Variants in POLR2J observed in about 807,000 individuals in gnomAD.
POLR2J encodes DNA-directed RNA polymerase II subunit RPB11-a.
POLR2J carries 12 observed loss-of-function variants against 13.4 expected under a neutral mutation model. That is an observed-to-expected ratio of 0.90 (90% CI 0.57 to 1.45). The LOEUF is 1.45. Ranked by LOEUF, POLR2J falls within the 40% of genes most tolerant of loss-of-function variation. The probability of loss-of-function intolerance (pLI) is 0.00; values close to 1 mark genes in which losing one functional copy is unlikely to be tolerated. For missense variants in POLR2J, 58 were observed against 132.0 expected, an observed-to-expected ratio of 0.44 and a Z score of 2.75; for synonymous variants, 31 against 53.6, an observed-to-expected ratio of 0.58 and a Z score of 1.84.
In POLR2J at chr7:102,474,778, C is replaced by A. The variant is rs541962978; in HGVS notation, c.144-243G>T. ...CCGAGCTGGAAACAGATTCCAGCAA[C>A]CTCTTCCCACCGGGCACCGCAGTGC... On this transcript the variant is annotated intron_variant, in intron 2 of 3. Coordinates refer to ENST00000292614, the MANE Select transcript of POLR2J (RefSeq NM_006234.6). Among the ~76,000 whole-genome samples the A allele has an allele frequency of 4.8e-5, 6 of 125,580 alleles. 1 individual carries two copies. In the South Asian group the frequency reaches 1.5e-3, roughly 31 times the overall value. The allele number at this position is 125,580 out of a possible 152,430, so 82.4% of individuals were successfully genotyped here. A position where few individuals can be genotyped will look rare whatever the true frequency, so the allele number is the denominator to read the frequency against.
At chr7:102,476,328 G>A in intron 1 of POLR2J, 58 bp from the exon 2 acceptor site, 1 of 566,514 alleles carries the variant, frequency 1.8e-6, no homozygotes, top group Non-Finnish European at 3.2e-6. Flanking sequence ...CCCACCCTGA[G>A]TCTAAACCCT....
At chr7:102,478,571 C>T (rs1181462184) in intron 1 of POLR2J, among the ~76,000 whole-genome samples, 8 of 151,728 alleles carry the variant, frequency 5.3e-5, no homozygotes, top group Non-Finnish European at 1.5e-5. Flanking sequence ...ATACAAGCGC[C>T]GCCACTTCCT....
chr7:102,473,553 T>A lies in POLR2J; in HGVS notation c.*96A>T. The A allele has an allele frequency of 8.0e-7, 1 of 1,243,928 alleles. No individual in the cohort carries two copies. Among genetic ancestry groups the A allele is most frequent in the Non-Finnish European group, 1.0e-6 (1 of 976,998 alleles). 77.1% of individuals were successfully genotyped at this position (1,243,928 alleles called of 1,614,324 possible). On this transcript the variant is annotated 3_prime_UTR_variant, in exon 4 of 4. Coordinates refer to ENST00000292614, the MANE Select transcript of POLR2J (RefSeq NM_006234.6). ...GGGTGGCCACAAGGCGGGCCATGGC[T>A]GGGACCGGCCGCTCTCCTCGGTGTG...
At position 102,473,338 on chromosome 7, in the gene POLR2J, T is replaced by G; in HGVS notation, c.*311A>C. On this transcript the variant is annotated 3_prime_UTR_variant, in exon 4 of 4. Coordinates refer to ENST00000292614, the MANE Select transcript of POLR2J (RefSeq NM_006234.6). ...GCAGCAGCCCCTGGACCCCGGATCT[T>G]TGGTCCAGAATGAATTCATCCCTGC... 1 of 561,424 alleles carries G rather than the reference T, an allele frequency of 1.8e-6. No individual in the cohort carries two copies. Among genetic ancestry groups the G allele is most frequent in the Non-Finnish European group, 3.1e-6 (1 of 326,236 alleles). The allele number at this position is 561,424 out of a possible 1,614,324, so 34.8% of individuals were successfully genotyped here. A position where few individuals can be genotyped will look rare whatever the true frequency, so the allele number is the denominator to read the frequency against.
chr7:102,474,834 C>T (rs1798374764), intron 2 of POLR2J, among the ~76,000 whole-genome samples: 1 of 145,604 alleles, frequency 6.9e-6, no homozygotes, highest in Non-Finnish European at 1.5e-5. Flanking sequence ...CAGTGAATGT[C>T]CAGCCAGTGT....
chr7:102,473,802 T>C, intron 3 of POLR2J, 118 bp from the exon 4 acceptor site: 1 of 1,512,912 alleles, frequency 6.6e-7, no homozygotes, highest in South Asian at 1.3e-5. Flanking sequence ...TGGGCCACAC[T>C]CCCCAGGACA....
chr7:102,474,805 G>C (rs1798373814), intron 2 of POLR2J, among the ~76,000 whole-genome samples: 1 of 138,430 alleles, frequency 7.2e-6, no homozygotes. Context: ...CCGCAGTGCT[G>C]GCAAAGAGAT....
intron 3 of POLR2J, 197 bp from the exon 4 acceptor site, chr7:102,473,881 TCAGAGGCCC>T: frequency 2.1e-6 from 3 of 1,438,912 alleles, no homozygotes; most frequent in South Asian, 1.5e-5. Context: ...CCGGCAGGAG[TCAGAGGCCC>T]CAGAGGCTTC....
At chr7:102,476,980 C>A (rs62483810) in intron 1 of POLR2J, among the ~76,000 whole-genome samples, 40,223 of 94,172 alleles carry the variant, frequency 0.43, 10,511 homozygotes, top group Middle Eastern at 0.58. Flanking sequence ...CACAGGCGCA[C>A]GTCATCATGC....
rs1445182351 is a variant in POLR2J at position 102,473,586 on chromosome 7, G to C, written c.*63C>G. 7 of 1,605,386 alleles carry C rather than the reference G, an allele frequency of 4.4e-6. No homozygotes were observed. The highest frequency in any genetic ancestry group is 1.3e-5 in the African/African-American group (1 of 74,734). On this transcript the variant is annotated 3_prime_UTR_variant, in exon 4 of 4. Coordinates refer to ENST00000292614, the MANE Select transcript of POLR2J (RefSeq NM_006234.6). The stretch of plus-strand genomic sequence containing the variant: ...GCCGCTCTCCTCGGTGTGGTACCTG[G>C]AGCGGAGGGTCAGGCACAGGTAGGA...
In POLR2J at chr7:102,478,880, C is replaced by A. The variant is rs746874775; in HGVS notation, c.-20G>T. 8.7e-6 allele frequency: 14 copies of A among 1,610,594 alleles called. No individual in the cohort carries two copies. In the African/African-American group the frequency reaches 1.1e-4, roughly 12 times the overall value. On this transcript the variant is annotated 5_prime_UTR_variant, in exon 1 of 4. Coordinates refer to ENST00000292614, the MANE Select transcript of POLR2J (RefSeq NM_006234.6). ...GTTCATGCTCCCGCCGCCGTTGCGTCCAGACCCCAAGGGTCCGCCGCCGCC... is the reference window on the plus strand; with the variant it reads ...GTTCATGCTCCCGCCGCCGTTGCGTACAGACCCCAAGGGTCCGCCGCCGCC...
intron 2 of POLR2J, among the ~76,000 whole-genome samples, chr7:102,475,244 G>A (rs564478802): frequency 7.2e-5 from 11 of 152,362 alleles, no homozygotes; most frequent in Non-Finnish European, 1.5e-4. Context: ...ACTCACAGAC[G>A]GGGAAAAGCC....
At chr7:102,478,740 G>C in intron 1 of POLR2J, 68 bp downstream of exon 1, 1 of 1,600,360 alleles carries the variant, frequency 6.2e-7, no homozygotes, top group Non-Finnish European at 8.5e-7. Context: ...GAGATGGGCA[G>C]GAGACACCCC....
intron 1 of POLR2J, 144 bp downstream of exon 1, chr7:102,478,664 G>A: frequency 6.9e-7 from 1 of 1,452,592 alleles, no homozygotes; most frequent in Non-Finnish European, 9.2e-7. Context: ...TCGCGGAACG[G>A]CCTTAAATTT....
rs749064531 is a variant in POLR2J, at chr7:102,476,169, C to T, written c.143+12G>A. ...AAACACAGCCCCTGAGAGCCTGTGA[C>T]GGGAAACTTACGATTTAATGATGTT... On this transcript the variant is annotated intron_variant, in intron 2 of 3. Coordinates refer to ENST00000292614, the MANE Select transcript of POLR2J (RefSeq NM_006234.6). The T allele has an allele frequency of 6.0e-5, 53 of 880,140 alleles. 1 individual carries two copies. Among genetic ancestry groups the T allele is most frequent in the South Asian group, 2.1e-4 (15 of 70,610 alleles). 54.5% of individuals were successfully genotyped at this position (880,140 alleles called of 1,614,324 possible).
chr7:102,473,269 A>AGCTCATGGGT lies in POLR2J; in HGVS notation c.*370_*379dup. ...GGCTTCTAGAGCAGAGACTCTTGGG[A>AGCTCATGGGT]GCTCATGGGTTTGCACACTTCTCTC... On this transcript the variant is annotated 3_prime_UTR_variant, in exon 4 of 4. Coordinates refer to ENST00000292614, the MANE Select transcript of POLR2J (RefSeq NM_006234.6). 1 of 625,560 alleles carries AGCTCATGGGT rather than the reference A, an allele frequency of 1.6e-6. No individual in the cohort carries two copies. Among genetic ancestry groups the AGCTCATGGGT allele is most frequent in the South Asian group, 2.2e-5 (1 of 46,068 alleles). The allele number at this position is 625,560 out of a possible 1,614,324, so 38.8% of individuals were successfully genotyped here.
intron 3 of POLR2J, 74 bp from the exon 4 acceptor site, chr7:102,473,758 TC>T (rs370120347): frequency 0.067 from 106,178 of 1,588,318 alleles, 3,864 homozygotes; most frequent in Non-Finnish European, 0.074. Flanking sequence ...ATGCCCAGCA[TC>T]CCCCCCGCCA....
chr7:102,474,232 T>G, intron 3 of POLR2J, 129 bp downstream of exon 3: 5 of 1,579,704 alleles, frequency 3.2e-6, no homozygotes, highest in Non-Finnish European at 4.3e-6. Context: ...GTGGTGGAAG[T>G]CCCTGCTCTT....
At chr7:102,474,729 T>A (rs572830234) in intron 2 of POLR2J, among the ~76,000 whole-genome samples, 194 bp from the exon 3 acceptor site, 11 of 117,470 alleles carry the variant, frequency 9.4e-5, no homozygotes, top group South Asian at 7.6e-4. Flanking sequence ...ACACACACAC[T>A]CTGCATCCAT....
Sources: allele counts gnomAD v4.1 joint callset (sites outside exome capture counted in the v4.1 genomes callset), GRCh38; gene constraint gnomAD v4.1.1; transcripts MANE v1.5; gene names NCBI Gene and HGNC (gene_info 2026-07-23, HGNC 2026-07-21).